COL4A1: variants seen among roughly 807,000 people sequenced by gnomAD.
The protein encoded by COL4A1 is collagen type IV alpha 1 chain, also known as collagen alpha-1(IV) chain.
In COL4A1, 40 loss-of-function variants were observed where a neutral mutation model predicts 216.6. The observed-to-expected ratio is 0.18, with a 90% CI of 0.14 to 0.24. The LOEUF (loss-of-function observed/expected upper bound fraction) is 0.24. Ranked by LOEUF, COL4A1 falls within the 10% of genes least tolerant of loss-of-function variation. The pLI is 1.00. For synonymous variants in COL4A1, 839 were observed against 810.7 expected, an observed-to-expected ratio of 1.03 and a Z score of -0.59; for missense variants, 1,628 against 2,196.8, an observed-to-expected ratio of 0.74 and a Z score of 5.18.
intron 25 of COL4A1, 139 bp downstream of exon 25, chr13:110,186,999 C>CATGAA: frequency 8.6e-7 from 1 of 1,166,088 alleles, no homozygotes; most frequent in Non-Finnish European, 1.3e-6. Flanking sequence ...GTTCCATGAA[C>CATGAA]CATGAATCAT....
intron 2 of COL4A1, among the ~76,000 whole-genome samples, chr13:110,225,525 G>A (rs1411196086): frequency 6.6e-6 from 1 of 152,220 alleles, no homozygotes; most frequent in Non-Finnish European, 1.5e-5. Context: ...AGAGGTTGCA[G>A]TGAGCCGAGA....
chr13:110,205,530 G>T lies in COL4A1; in HGVS notation c.867C>A (p.Pro289=), dbSNP rs144143608. Residue 289 remains proline, a synonymous_variant, in exon 16 of 52, where the codon CCC becomes CCA. Coordinates refer to ENST00000375820, the MANE Select transcript of COL4A1 (RefSeq NM_001845.6). Reference sequence around the variant, plus strand: ...TTTCCCCTTTGTCACCATCTTTTCCGGGTTTGCCCTGTAGAATAAAGATGT... The same window carrying T: ...TTTCCCCTTTGTCACCATCTTTTCCTGGTTTGCCCTGTAGAATAAAGATGT... The part of the protein sequence containing the change: ...EPGKPGPRGK[P]GKDGDKGEKG... 4 of 1,609,428 alleles carry T rather than the reference G, an allele frequency of 2.5e-6. No individual in the cohort carries two copies. The African/African-American group carries it at 5.7e-5, about 23-fold the overall frequency.
At chr13:110,273,607 T>G (rs1883326790) in intron 1 of COL4A1, among the ~76,000 whole-genome samples, 1 of 152,194 alleles carries the variant, frequency 6.6e-6, no homozygotes, top group Non-Finnish European at 1.5e-5. Context: ...TTTAAATTGT[T>G]TATGGCAACT....
In COL4A1 at chr13:110,161,351, A is replaced by T; in HGVS notation, c.4481T>A (p.Leu1494Gln). 14 of 1,613,438 alleles carry T rather than the reference A, an allele frequency of 8.7e-6. No individual in the cohort carries two copies. Among genetic ancestry groups the T allele is most frequent in the Non-Finnish European group, 1.2e-5 (14 of 1,179,620 alleles). Residue 1494 changes from leucine to glutamine, a missense_variant, in exon 49 of 52, where the codon CTG (leucine) becomes CAG (glutamine). Around this residue, in one of 8 missense-constraint regions of COL4A1, gnomAD observed 254 missense variants for 300.1 expected, o/e 0.85. Coordinates refer to ENST00000375820, the MANE Select transcript of COL4A1 (RefSeq NM_001845.6). Reference sequence around the variant, plus strand: ...GAAGGGCATTGTGCTGAACTTGCGCAGGCAGCTGCCGGCCGTGCCTAGACA... The same window carrying T: ...GAAGGGCATTGTGCTGAACTTGCGCTGGCAGCTGCCGGCCGTGCCTAGACA... ...GQDLGTAGSC[L>Q]RKFSTMPFLF...
chr13:110,206,599 G>C, intron 15 of COL4A1, 66 bp downstream of exon 15: 16 of 1,547,708 alleles, frequency 1.0e-5, no homozygotes, highest in African/African-American at 1.4e-5. Context: ...GTGTTTCTGT[G>C]AATCTGCGAT....
intron 1 of COL4A1, among the ~76,000 whole-genome samples, chr13:110,272,733 G>A (rs1053953464): frequency 6.6e-6 from 1 of 152,230 alleles, no homozygotes; most frequent in Non-Finnish European, 1.5e-5. Context: ...AGTAAGGTAA[G>A]ATGTCAACAG....
chr13:110,160,503 T>C (rs1877033252), intron 49 of COL4A1, among the ~76,000 whole-genome samples: 1 of 152,058 alleles, frequency 6.6e-6, no homozygotes, highest in East Asian at 1.9e-4. Context: ...AACAATGTCT[T>C]AAAAGGCTCC....
chr13:110,183,025 C>T lies in COL4A1; in HGVS notation c.2063G>A (p.Gly688Asp), dbSNP rs1026987399. The T allele has an allele frequency of 6.2e-7, 1 of 1,613,270 alleles. No homozygotes were observed. Among genetic ancestry groups the T allele is most frequent in the Non-Finnish European group, 8.5e-7 (1 of 1,179,878 alleles). ...PGEKGAVGQP[G>D]IGFPGPPGPK... is the part of the protein sequence containing the mutation. ...GCCGGGGGGCCCTGGAAATCCAATG[C>T]CTGGCTGGCCCACAGCGCCCTTCTC... Residue 688 changes from glycine to aspartate, a missense_variant, in exon 28 of 52, where the codon GGC becomes GAC. By Grantham distance (94) the Gly-to-Asp change is moderately conservative (BLOSUM62 -1). Transcript: ENST00000375820.
At chr13:110,158,896 C>T (rs942462676) in intron 49 of COL4A1, among the ~76,000 whole-genome samples, 10 of 152,080 alleles carry the variant, frequency 6.6e-5, no homozygotes, top group African/African-American at 2.2e-4. Context: ...GCATGTAACA[C>T]CACACCCAGC....
intron 21 of COL4A1, among the ~76,000 whole-genome samples, chr13:110,196,807 C>A (rs9521644): frequency 0.25 from 38,050 of 152,130 alleles, 5,067 homozygotes; most frequent in Admixed American, 0.32. Context: ...CTTACATGCA[C>A]AAATGGCTGC....
intron 10 of COL4A1, 137 bp downstream of exon 10, chr13:110,209,843 G>A (rs1246859224): frequency 5.6e-6 from 6 of 1,071,254 alleles, no homozygotes; most frequent in Non-Finnish European, 8.7e-6. Context: ...TTAGTAAGAG[G>A]GAAGCTGATT....
chr13:110,295,646 G>A (rs1023922253), intron 1 of COL4A1, among the ~76,000 whole-genome samples: 2 of 151,996 alleles, frequency 1.3e-5, no homozygotes, highest in Admixed American at 1.3e-4. Context: ...GGCTGGTCTC[G>A]AACTCCTGAC....
intron 49 of COL4A1, among the ~76,000 whole-genome samples, chr13:110,156,719 C>T (rs1423246755): frequency 6.6e-6 from 1 of 152,170 alleles, no homozygotes; most frequent in Non-Finnish European, 1.5e-5. Context: ...ACATTCAAGT[C>T]ACAAAATGAA....
At chr13:110,253,677 G>A (rs1244322616) in intron 1 of COL4A1, among the ~76,000 whole-genome samples, 2 of 134,060 alleles carry the variant, frequency 1.5e-5, no homozygotes, top group African/African-American at 2.8e-5. Flanking sequence ...GTGTATGTAT[G>A]TATTACATAT....
At chr13:110,239,799 T>C (rs1881476987) in intron 2 of COL4A1, among the ~76,000 whole-genome samples, 1 of 152,202 alleles carries the variant, frequency 6.6e-6, no homozygotes, top group African/African-American at 2.4e-5. Context: ...AGTACATTTC[T>C]TTCTTAGCTG....
In COL4A1 at chr13:110,170,076, G is replaced by A. The variant is rs552429602; in HGVS notation, c.3743-314C>T. Among the ~76,000 whole-genome samples, 6 of 136,736 alleles carry A rather than the reference G, an allele frequency of 4.4e-5. No individual in the cohort carries two copies. In the East Asian group the frequency reaches 1.3e-3, roughly 29 times the overall value. 89.7% of individuals were successfully genotyped at this position (136,736 alleles called of 152,430 possible). On this transcript the variant is annotated intron_variant, in intron 42 of 51. Transcript: ENST00000375820. ...GGAAGGAGGGGAGGGAGGAGGGGAGGGGAGGGGAAGGAGGGAGGGAGAGAG... is the reference window on the plus strand; with the variant it reads ...GGAAGGAGGGGAGGGAGGAGGGGAGAGGAGGGGAAGGAGGGAGGGAGAGAG...
chr13:110,296,956 G>A (rs1184606364), intron 1 of COL4A1, among the ~76,000 whole-genome samples: 1 of 152,218 alleles, frequency 6.6e-6, no homozygotes, highest in African/African-American at 2.4e-5. Context: ...TGTAGGGGAA[G>A]GGGCAGGGCT....
At chr13:110,227,947 C>T (rs1036792715) in intron 2 of COL4A1, among the ~76,000 whole-genome samples, 3 of 152,182 alleles carry the variant, frequency 2.0e-5, no homozygotes, top group Non-Finnish European at 2.9e-5. Flanking sequence ...CTGGTCCCTG[C>T]GGTCCCTAAA....
intron 1 of COL4A1, among the ~76,000 whole-genome samples, chr13:110,260,665 T>C (rs1882777556): frequency 3.3e-5 from 5 of 152,182 alleles, no homozygotes; most frequent in Admixed American, 2.0e-4. Context: ...AGTCTCAGTT[T>C]TGCAAGAGGA....
Sources: gnomAD v4.1 joint callset for allele counts (sites outside exome capture counted in the v4.1 genomes callset) on GRCh38, gnomAD v4.1.1 for gene constraint, gnomAD v4.1.1 regional missense constraint, MANE v1.5 for transcripts, NCBI Gene and HGNC (gene_info 2026-07-23, HGNC 2026-07-21) for gene names.